The following SUPT3H variants were observed in gnomAD, a reference collection of about 807,000 sequenced individuals.
SUPT3H encodes the protein transcription initiation protein SPT3 homolog.
Under a neutral mutation model 44.3 loss-of-function variants are expected in SUPT3H, and 44 were observed. The ratio of observed to expected loss-of-function variants is 0.99; its 90% CI spans 0.78 to 1.28. The LOEUF is 1.28. SUPT3H is among the 50% of genes most tolerant of loss of function. The probability of loss-of-function intolerance (pLI) is 0.00; values close to 1 mark genes in which losing one functional copy is unlikely to be tolerated. For missense variants in SUPT3H, 380 were observed against 387.1 expected, an observed-to-expected ratio of 0.98 and a Z score of 0.15; for synonymous variants, 124 against 125.6, an observed-to-expected ratio of 0.99 and a Z score of 0.09.
At chr6:45,339,819 A>G (rs907171922) in intron 2 of SUPT3H, among the ~76,000 whole-genome samples, 1 of 152,226 alleles carries the variant, frequency 6.6e-6, no homozygotes, top group Non-Finnish European at 1.5e-5. Context: ...AACATAGTCT[A>G]TAATTTTTAT....
chr6:45,365,640 C>T (rs965677273), intron 1 of SUPT3H, among the ~76,000 whole-genome samples: 1 of 147,948 alleles, frequency 6.8e-6, no homozygotes, highest in African/African-American at 2.5e-5. Flanking sequence ...CCCTACGGTT[C>T]ATCAGCAATG....
chr6:45,120,653 G>C (rs1801532292), intron 2 of SUPT3H, among the ~76,000 whole-genome samples: 1 of 151,916 alleles, frequency 6.6e-6, no homozygotes. Context: ...CCAAAAAAAG[G>C]AATCTATTAA....
intron 3 of SUPT3H, among the ~76,000 whole-genome samples, chr6:45,105,184 T>C (rs1239895408): frequency 6.6e-6 from 1 of 152,022 alleles, no homozygotes; most frequent in African/African-American, 2.4e-5. Flanking sequence ...TACATGATGA[T>C]GGTAAAACTG....
At chr6:44,908,754 AT>A (rs1262738830) in intron 10 of SUPT3H, among the ~76,000 whole-genome samples, 7 of 151,982 alleles carry the variant, frequency 4.6e-5, no homozygotes, top group African/African-American at 1.7e-4. Flanking sequence ...TTCCTGACAT[AT>A]CAGACATGTA....
At chr6:45,107,588 C>A (rs1399719725) in intron 2 of SUPT3H, among the ~76,000 whole-genome samples, 5 of 151,950 alleles carry the variant, frequency 3.3e-5, no homozygotes, top group Admixed American at 3.3e-4. Context: ...CCCATATAGC[C>A]TTAAAAAAAG....
intron 3 of SUPT3H, among the ~76,000 whole-genome samples, chr6:45,029,814 G>A (rs1489606697): frequency 6.6e-6 from 1 of 152,122 alleles, no homozygotes; most frequent in African/African-American, 2.4e-5. Flanking sequence ...ACCCAGGCTG[G>A]AGTGCTGTGG....
chr6:45,211,616 C>G (rs1018717387), intron 2 of SUPT3H, among the ~76,000 whole-genome samples: 1 of 151,636 alleles, frequency 6.6e-6, no homozygotes, highest in Non-Finnish European at 1.5e-5. Context: ...TTTGGGAGAC[C>G]GAGGCAGACA....
In SUPT3H at chr6:45,142,788, A is replaced by G. The variant is rs1363686255; in HGVS notation, c.102-36782T>C. On this transcript the variant is annotated intron_variant, in intron 2 of 10. Transcript: ENST00000371459. ...AAGCAGAATGGCAGAATGCATAAAA[A>G]TCCACTAACCAAGTATCTACTGTCT... 2.7e-5 allele frequency among the ~76,000 whole-genome samples: 4 copies of G among 149,516 alleles called. No homozygotes were observed. In the Admixed American group the frequency reaches 2.7e-4, roughly 10 times the overall value.
chr6:44,849,814 C>T (rs2153420904), intron 10 of SUPT3H, among the ~76,000 whole-genome samples: 1 of 152,274 alleles, frequency 6.6e-6, no homozygotes, highest in Middle Eastern at 3.4e-3. Flanking sequence ...ATAGCTATTC[C>T]AGCAGATCAA....
chr6:45,040,767 A>C (rs532038410), intron 3 of SUPT3H, among the ~76,000 whole-genome samples: 1 of 152,306 alleles, frequency 6.6e-6, no homozygotes, highest in Non-Finnish European at 1.5e-5. Context: ...AAATATATTG[A>C]GGTTGATACG....
At chr6:45,148,648 CCT>C (rs1806466990) in intron 2 of SUPT3H, among the ~76,000 whole-genome samples, 1 of 152,108 alleles carries the variant, frequency 6.6e-6, no homozygotes, top group South Asian at 2.1e-4. Flanking sequence ...TTCAGATAAT[CCT>C]CTTTCCATCA....
At chr6:45,072,093 T>C (rs1264830863) in intron 3 of SUPT3H, among the ~76,000 whole-genome samples, 1 of 152,198 alleles carries the variant, frequency 6.6e-6, no homozygotes, top group Admixed American at 6.5e-5. Context: ...ATTACAACAA[T>C]GCTATGAAGT....
At chr6:44,838,530 AGT>A (rs1371560433) in intron 10 of SUPT3H, among the ~76,000 whole-genome samples, 1 of 152,124 alleles carries the variant, frequency 6.6e-6, no homozygotes. Context: ...GGGACAAAAA[AGT>A]GTTTTAAGTA....
rs116472118 is a variant in SUPT3H at position 45,032,429 on chromosome 6, G to A, written c.187-11797C>T. ...TAGAGAACTATAAAACACTATACCT[G>A]CATAAGTATTGCTTAGGGATGGCTC... On this transcript the variant is annotated intron_variant, in intron 3 of 10. Transcript: ENST00000371459. Among the ~76,000 whole-genome samples, 1,293 of 152,154 alleles carry A rather than the reference G, an allele frequency of 8.5e-3. 18 individuals carry two copies. The highest frequency in any genetic ancestry group is 0.029 in the African/African-American group (1,216 of 41,486).
rs147571970 is a variant in SUPT3H at position 44,861,941 on chromosome 6, T to C, written c.913-32084A>G. 1.3e-4 allele frequency among the ~76,000 whole-genome samples: 20 copies of C among 152,300 alleles called. No homozygotes were observed. The East Asian group carries it at 2.9e-3, about 22-fold the overall frequency. On this transcript the variant is annotated intron_variant, in intron 10 of 10. Coordinates refer to ENST00000371459, the MANE Select transcript of SUPT3H (RefSeq NM_003599.4). ...GAAGAACAAGTTATGTGGCTGAAGT[T>C]TCAAAGCCACTGAAAAGTTGACAGT...
At chr6:44,999,809 T>C (rs1781776644) in intron 6 of SUPT3H, among the ~76,000 whole-genome samples, 1 of 152,004 alleles carries the variant, frequency 6.6e-6, no homozygotes, top group South Asian at 2.1e-4. Context: ...TACTATATTT[T>C]CACTATAGGT....
At chr6:45,261,368 C>T (rs1358027188) in intron 2 of SUPT3H, among the ~76,000 whole-genome samples, 3 of 151,916 alleles carry the variant, frequency 2.0e-5, no homozygotes, top group Non-Finnish European at 4.4e-5. Context: ...AAAAAGCTAA[C>T]TGACAATGAT....
intron 4 of SUPT3H, among the ~76,000 whole-genome samples, chr6:45,019,926 A>G (rs1297215949): frequency 6.6e-6 from 1 of 151,990 alleles, no homozygotes; most frequent in African/African-American, 2.4e-5. Context: ...AAAATATTAG[A>G]GAATATTTTT....
At chr6:44,948,829 G>C (rs1735468937) in intron 9 of SUPT3H, among the ~76,000 whole-genome samples, 1 of 152,182 alleles carries the variant, frequency 6.6e-6, no homozygotes, top group African/African-American at 2.4e-5. Flanking sequence ...GGAAGACAGT[G>C]TGGTGATTCC....
Sources: allele counts gnomAD v4.1 joint callset (sites outside exome capture counted in the v4.1 genomes callset), GRCh38; gene constraint gnomAD v4.1.1; transcripts MANE v1.5; gene names NCBI Gene and HGNC (gene_info 2026-07-23, HGNC 2026-07-21).